Variants in NTF3 observed in about 807,000 individuals in gnomAD.
NTF3 encodes neurotrophin 3, also known as neurotrophin-3.
Under a neutral mutation model 26.3 loss-of-function variants are expected in NTF3, and 8 were observed. The observed-to-expected ratio is 0.30, with a 90% CI of 0.18 to 0.55. The LOEUF (loss-of-function observed/expected upper bound fraction) is 0.55, where lower values mean the gene tolerates loss of function less well. NTF3 is among the 20% of genes least tolerant of loss of function. NTF3 has a pLI of 0.93. For synonymous variants in NTF3, 154 were observed against 145.5 expected (o/e 1.06, Z -0.42); for missense variants, 276 against 352.9 (o/e 0.78, Z 1.75).
chr12:5,493,375 G>C (rs1236673048), intron 1 of NTF3, among the ~76,000 whole-genome samples: 1 of 152,218 alleles, frequency 6.6e-6, no homozygotes, highest in Non-Finnish European at 1.5e-5. Context: ...ATCTAAAGGA[G>C]GCAAGTGAAT....
intron 1 of NTF3, among the ~76,000 whole-genome samples, chr12:5,441,001 G>A (rs998097162): frequency 1.3e-5 from 2 of 152,204 alleles, no homozygotes; most frequent in Admixed American, 6.5e-5. Context: ...TGCCAGATTC[G>A]TGGCGGATCT....
chr12:5,489,185 A>G (rs1271481456), intron 1 of NTF3, among the ~76,000 whole-genome samples: 1 of 152,170 alleles, frequency 6.6e-6, no homozygotes, highest in African/African-American at 2.4e-5. Flanking sequence ...GATTGTGTTT[A>G]CTTTTGTGGG....
At chr12:5,431,454 C>T (rs576888873), upstream of NTF3, among the ~76,000 whole-genome samples, 5 of 152,278 alleles carry the variant, frequency 3.3e-5, no homozygotes, top group East Asian at 9.7e-4. Flanking sequence ...CCTTGACCTC[C>T]CTTGACCGCC....
chr12:5,445,288 A>ATGTGTGTGTGTGTGTG (rs200578458), intron 1 of NTF3, among the ~76,000 whole-genome samples: 1 of 101,456 alleles, frequency 9.9e-6, no homozygotes, highest in South Asian at 3.8e-4. Context: ...GGATTAAATG[A>ATGTGTGTGTGTGTGTG]TGTGTGTGTG....
intron 1 of NTF3, among the ~76,000 whole-genome samples, chr12:5,434,004 T>G (rs1046082638): frequency 6.6e-6 from 1 of 152,152 alleles, no homozygotes; most frequent in Non-Finnish European, 1.5e-5. Flanking sequence ...GAGGAGAACA[T>G]GGAAGCGCTC....
intron 1 of NTF3, among the ~76,000 whole-genome samples, chr12:5,486,174 C>T (rs1940863907): frequency 6.6e-6 from 1 of 152,228 alleles, no homozygotes. Flanking sequence ...GTCAGCCTGC[C>T]ATCTGACCAC....
chr12:5,468,610 A>G lies in NTF3; in HGVS notation c.19-25584A>G, dbSNP rs531723071. ...AAGCTCTGATGGAGGCTATAAAGAC[A>G]ATATGGATGTAAACTAAAAAATGGT... On this transcript the variant is annotated intron_variant, in intron 1 of 1. Coordinates refer to ENST00000423158, the MANE Select transcript of NTF3 (RefSeq NM_001102654.2). 6.6e-5 allele frequency among the ~76,000 whole-genome samples: 10 copies of G among 152,364 alleles called. No homozygotes were observed. The East Asian group carries it at 1.7e-3, about 26-fold the overall frequency.
chr12:5,493,862 T>C (rs1591610533), intron 1 of NTF3, among the ~76,000 whole-genome samples: 1 of 152,156 alleles, frequency 6.6e-6, no homozygotes. Context: ...GAGTGAACCA[T>C]GCGTCTTTGC....
At position 5,433,871 on chromosome 12, in the gene NTF3, C is replaced by T. The variant is rs1940133214; in HGVS notation, c.18+1529C>T. On this transcript the variant is annotated intron_variant, in intron 1 of 1. Transcript: ENST00000423158. This position sits in a 1 kb window ranked among gnomAD's most constrained non-coding sequence, Gnocchi z 4.6. The stretch of plus-strand genomic sequence containing the variant: ...AGGGCCTGCTGAGAGGGGAGGGGAG[C>T]CTGGAAGGGGTGGGTGTTTCTCCTG... 6.6e-6 allele frequency among the ~76,000 whole-genome samples: 1 copy of T among 152,000 alleles called. No individual in the cohort carries two copies. The highest frequency in any genetic ancestry group is 2.4e-5 in the African/African-American group (1 of 41,356).
chr12:5,491,713 CTTCTT>C (rs1940938569), intron 1 of NTF3, among the ~76,000 whole-genome samples: 1 of 125,076 alleles, frequency 8.0e-6, no homozygotes, highest in Non-Finnish European at 1.7e-5. Flanking sequence ...GGTCTCTCCT[CTTCTT>C]TTTTTTTTTT....
chr12:5,478,021 T>G (rs888236457), intron 1 of NTF3, among the ~76,000 whole-genome samples: 10 of 152,254 alleles, frequency 6.6e-5, no homozygotes, highest in Non-Finnish European at 1.5e-4. Context: ...TTATAAAATG[T>G]TAATGTATTT....
intron 1 of NTF3, among the ~76,000 whole-genome samples, chr12:5,467,897 C>T (rs1940612939): frequency 1.3e-5 from 2 of 152,188 alleles, no homozygotes; most frequent in South Asian, 4.1e-4. Flanking sequence ...ACTCCTTGGA[C>T]ACCCTTGAAA....
At chr12:5,455,355 C>T (rs964677307) in intron 1 of NTF3, among the ~76,000 whole-genome samples, 4 of 152,274 alleles carry the variant, frequency 2.6e-5, no homozygotes, top group South Asian at 2.1e-4. Flanking sequence ...GCTTCTTGAG[C>T]GTAACCCATG....
intron 1 of NTF3, among the ~76,000 whole-genome samples, chr12:5,470,219 C>T (rs984257570): frequency 3.3e-5 from 5 of 152,306 alleles, no homozygotes; most frequent in South Asian, 2.1e-4. Flanking sequence ...CCACTGCGCT[C>T]GGCCTCCTGA....
chr12:5,457,360 C>T (rs1940465106), intron 1 of NTF3, among the ~76,000 whole-genome samples: 1 of 152,158 alleles, frequency 6.6e-6, no homozygotes, highest in Admixed American at 6.5e-5. Flanking sequence ...AAACCCCTTG[C>T]AATCTGGCTT....
rs1360827514 is a variant in NTF3 at position 5,456,312 on chromosome 12, A to C, written c.18+23970A>C. 6.6e-6 allele frequency among the ~76,000 whole-genome samples: 1 copy of C among 152,176 alleles called. No individual in the cohort carries two copies. The highest frequency in any genetic ancestry group is 2.4e-5 in the African/African-American group (1 of 41,440). On this transcript the variant is annotated intron_variant, in intron 1 of 1. Coordinates refer to ENST00000423158, the MANE Select transcript of NTF3 (RefSeq NM_001102654.2). This position sits in a 1 kb window ranked among gnomAD's most constrained non-coding sequence, Gnocchi z 4.4. The stretch of plus-strand genomic sequence containing the variant: ...CCTTTTGAGAATCACATAGAATCGC[A>C]TTGATTGATGAGTGAAAAATAAATG...
At chr12:5,466,604 A>G (rs949572186) in intron 1 of NTF3, among the ~76,000 whole-genome samples, 4 of 152,206 alleles carry the variant, frequency 2.6e-5, no homozygotes, top group African/African-American at 9.6e-5. Context: ...ATAAGAGGGG[A>G]AATGGGAACT....
In NTF3 at chr12:5,495,055, G is replaced by A. The variant is rs1940992182; in HGVS notation, c.*67G>A. On this transcript the variant is annotated 3_prime_UTR_variant, in exon 2 of 2. Coordinates refer to ENST00000423158, the MANE Select transcript of NTF3 (RefSeq NM_001102654.2). ...TATGATATGCATGTAGCATATAAAT[G>A]TTTATATTGTTTTTATATATTATAA... The A allele has an allele frequency of 7.1e-7, 1 of 1,413,138 alleles. No individual in the cohort carries two copies. Among genetic ancestry groups the A allele is most frequent in the East Asian group, 2.5e-5 (1 of 40,186 alleles). The allele number at this position is 1,413,138 out of a possible 1,614,324, so 87.5% of individuals were successfully genotyped here.
At chr12:5,446,542 A>G (rs1165515158) in intron 1 of NTF3, among the ~76,000 whole-genome samples, 1 of 152,222 alleles carries the variant, frequency 6.6e-6, no homozygotes, top group Non-Finnish European at 1.5e-5. Flanking sequence ...TTGAGAAAAT[A>G]GTAGTTCTCT....
Sources: gnomAD v4.1 joint callset for allele counts (sites outside exome capture counted in the v4.1 genomes callset) on GRCh38, gnomAD v4.1.1 for gene constraint, Gnocchi (gnomAD v3.1) non-coding constraint, MANE v1.5 for transcripts, NCBI Gene and HGNC (gene_info 2026-07-23, HGNC 2026-07-21) for gene names.